TRNAU1AP: variants seen among roughly 807,000 people sequenced by gnomAD.
TRNAU1AP encodes the protein tRNA selenocysteine 1 associated protein 1.
In TRNAU1AP, 33 loss-of-function variants were observed where a neutral mutation model predicts 43.3. The ratio of observed to expected loss-of-function variants is 0.76; its 90% confidence interval spans 0.58 to 1.02. The LOEUF is 1.02. Among genes scored for constraint, TRNAU1AP ranks in the 50% least tolerant of loss-of-function variants. The pLI, the probability that TRNAU1AP is intolerant of heterozygous loss-of-function variation, is 0.00. For missense variants in TRNAU1AP, 290 were observed against 362.7 expected (o/e 0.80, Z 1.63); for synonymous variants, 143 against 129.1 (o/e 1.11, Z -0.73).
At chr1:28,564,450 A>G (rs1665492333) in intron 4 of TRNAU1AP, among the ~76,000 whole-genome samples, 1 of 152,142 alleles carries the variant, frequency 6.6e-6, no homozygotes, top group Non-Finnish European at 1.5e-5. Context: ...GACCCCATCC[A>G]CACATCTGCA....
chr1:28,553,882 G>A, intron 2 of TRNAU1AP, 145 bp downstream of exon 2: 2 of 727,668 alleles, frequency 2.7e-6, no homozygotes, highest in South Asian at 3.4e-5. Flanking sequence ...GTCCCAATGA[G>A]TGGAAGGATG....
intron 5 of TRNAU1AP, chr1:28,565,764 G>C (rs1422494152): frequency 2.0e-5 from 3 of 151,372 alleles, no homozygotes; most frequent in Non-Finnish European, 2.9e-5. Context: ...TCCAGCCTGG[G>C]TAACAGAGCA....
At chr1:28,555,020 C>T (rs779104026) in intron 2 of TRNAU1AP, among the ~76,000 whole-genome samples, 6 of 151,824 alleles carry the variant, frequency 4.0e-5, no homozygotes, top group Non-Finnish European at 8.8e-5. Flanking sequence ...GGTGGATCAC[C>T]TGAGGTCAGG....
chr1:28,568,765 G>A (rs1557436470), intron 6 of TRNAU1AP, among the ~76,000 whole-genome samples: 1 of 151,126 alleles, frequency 6.6e-6, no homozygotes, highest in Non-Finnish European at 1.5e-5. Flanking sequence ...ACCCCTCCAC[G>A]TCAATAGATC....
chr1:28,567,511 G>T, intron 6 of TRNAU1AP, 98 bp downstream of exon 6: 1 of 1,381,760 alleles, frequency 7.2e-7, no homozygotes. Context: ...TGGATGGGAG[G>T]CTGAAGGGGA....
chr1:28,575,257 C>T (rs1665748430), intron 8 of TRNAU1AP, among the ~76,000 whole-genome samples: 1 of 151,674 alleles, frequency 6.6e-6, no homozygotes, highest in Non-Finnish European at 1.5e-5. Context: ...CAGGTTCAAG[C>T]GATTCCCCTG....
At chr1:28,567,904 C>T (rs971174278) in intron 6 of TRNAU1AP, among the ~76,000 whole-genome samples, 1 of 152,164 alleles carries the variant, frequency 6.6e-6, no homozygotes, top group Non-Finnish European at 1.5e-5. Flanking sequence ...TGGCTCACAC[C>T]TGTAACCCCA....
intron 8 of TRNAU1AP, among the ~76,000 whole-genome samples, chr1:28,576,595 G>A (rs943481365): frequency 1.3e-5 from 2 of 151,556 alleles, no homozygotes; most frequent in African/African-American, 4.9e-5. Context: ...GGGATTACAG[G>A]CGTGAGCCAC....
intron 2 of TRNAU1AP, among the ~76,000 whole-genome samples, chr1:28,557,311 T>C (rs1665287381): frequency 6.6e-6 from 1 of 151,272 alleles, no homozygotes; most frequent in African/African-American, 2.4e-5. Context: ...TCCCAGCTAC[T>C]CGGGAGGCTG....
chr1:28,558,164 T>C (rs951187769), intron 2 of TRNAU1AP, among the ~76,000 whole-genome samples: 4 of 151,102 alleles, frequency 2.6e-5, no homozygotes, highest in African/African-American at 9.7e-5. Context: ...CCCAACGTGT[T>C]GGAATTACAG....
chr1:28,571,871 A>T lies in TRNAU1AP; in HGVS notation c.698A>T (p.Tyr233Phe), dbSNP rs150193045. ...ACATCTCTGGTCTCTTGGCAGACATATGAAGAAGTTGGAGATGATGCATTG... is the reference window on the plus strand; with the variant it reads ...ACATCTCTGGTCTCTTGGCAGACATTTGAAGAAGTTGGAGATGATGCATTG... ...YGYTQSTMQT[Y>F]EEVGDDALED... is the part of the protein sequence containing the mutation. The change falls in exon 8 of 9, where the codon TAT (tyrosine) becomes TTT (phenylalanine). Residue 233 changes from tyrosine to phenylalanine, a missense_variant. Physicochemically the swap from Tyr to Phe is conservative, Grantham distance 22. This residue lies in a region of TRNAU1AP where 174 missense variants were observed against 262.1 expected (regional missense o/e 0.66). Coordinates refer to ENST00000373830, the MANE Select transcript of TRNAU1AP (RefSeq NM_017846.5). The T allele has an allele frequency of 2.6e-4, 414 of 1,613,400 alleles. No individual in the cohort carries two copies. The highest frequency in any genetic ancestry group is 3.5e-4 in the Non-Finnish European group (412 of 1,179,616).
At chr1:28,574,077 CTTTTTTT>C (rs1178078009) in intron 8 of TRNAU1AP, among the ~76,000 whole-genome samples, 1 of 124,154 alleles carries the variant, frequency 8.1e-6, no homozygotes, top group African/African-American at 3.1e-5. Context: ...GACCCCATCT[CTTTTTTT>C]TTTTTTTTTT....
intron 6 of TRNAU1AP, among the ~76,000 whole-genome samples, chr1:28,568,277 A>G (rs1665584139): frequency 6.6e-6 from 1 of 152,128 alleles, no homozygotes; most frequent in African/African-American, 2.4e-5. Context: ...CTTTTCTCTG[A>G]ATGGGATTTT....
chr1:28,574,366 G>A (rs1665728621), intron 8 of TRNAU1AP, among the ~76,000 whole-genome samples: 1 of 152,024 alleles, frequency 6.6e-6, no homozygotes, highest in Non-Finnish European at 1.5e-5. Context: ...TTGATTACAG[G>A]CATGAGCCAC....
intron 1 of TRNAU1AP, 98 bp downstream of exon 1, chr1:28,553,235 A>C: frequency 2.3e-6 from 3 of 1,282,082 alleles, no homozygotes; most frequent in Non-Finnish European, 3.1e-6. Flanking sequence ...GGATCCCAGA[A>C]AGGGGAGACG....
At chr1:28,565,037 C>A in intron 5 of TRNAU1AP, 1 of 594,376 alleles carries the variant, frequency 1.7e-6, no homozygotes. Context: ...CCCTTACAGC[C>A]CCATCTGTAA....
intron 8 of TRNAU1AP, among the ~76,000 whole-genome samples, chr1:28,572,410 G>T: frequency 6.6e-6 from 1 of 151,422 alleles, no homozygotes; most frequent in East Asian, 1.9e-4. Flanking sequence ...TGGCTTGGCC[G>T]GTCTCAAACT....
At chr1:28,561,983 G>A (rs928955522) in intron 4 of TRNAU1AP, among the ~76,000 whole-genome samples, 27 of 146,318 alleles carry the variant, frequency 1.8e-4, no homozygotes, top group African/African-American at 7.2e-4. Flanking sequence ...GAGGCAGGAG[G>A]CTCACCTGAG....
rs1399318885 is a variant in TRNAU1AP, at chr1:28,554,212, AC to A, written c.125+476del. 9.1e-3 allele frequency among the ~76,000 whole-genome samples: 1,288 copies of A among 140,850 alleles called. 41 individuals are homozygous for A. Among genetic ancestry groups the A allele is most frequent in the African/African-American group, 0.039 (1,221 of 31,442 alleles). 92.4% of individuals were successfully genotyped at this position (140,850 alleles called of 152,430 possible). On this transcript the variant is annotated intron_variant, in intron 2 of 8. Transcript: ENST00000373830. ...AAACAATGTCTCAAAAAAAAAAAAAACAAAAAAACAAAAAACGCAGGACTCA... is the reference window on the plus strand; with the variant it reads ...AAACAATGTCTCAAAAAAAAAAAAAAAAAAAAACAAAAAACGCAGGACTCA...
Sources: gnomAD v4.1 joint callset for allele counts (sites outside exome capture counted in the v4.1 genomes callset) on GRCh38, gnomAD v4.1.1 for gene constraint, gnomAD v4.1.1 regional missense constraint, MANE v1.5 for transcripts, NCBI Gene and HGNC (gene_info 2026-07-23, HGNC 2026-07-21) for gene names.